Variants in SPATA45 observed in about 807,000 individuals in gnomAD.
SPATA45 encodes spermatogenesis associated 45.
A neutral mutation model predicts 7.0 loss-of-function variants in SPATA45; 5 were observed. That is an observed-to-expected ratio of 0.71 (90% CI 0.37 to 1.50). SPATA45 has a LOEUF of 1.50. SPATA45 is among the 40% of genes most tolerant of loss of function. The pLI, the probability that SPATA45 is intolerant of heterozygous loss-of-function variation, is 0.03. For synonymous variants in SPATA45, 40 were observed against 38.7 expected (o/e 1.03, Z -0.13); for missense variants, 111 against 114.9 (o/e 0.97, Z 0.16).
At chr1:212,832,527 G>A (rs896732021) in intron 2 of SPATA45, among the ~76,000 whole-genome samples, 1 of 151,218 alleles carries the variant, frequency 6.6e-6, no homozygotes, top group Non-Finnish European at 1.5e-5. Flanking sequence ...TTTGAGGCAA[G>A]ATTTTATTCA....
chr1:212,843,707 G>A (rs1423654539), intron 1 of SPATA45, among the ~76,000 whole-genome samples: 1 of 152,160 alleles, frequency 6.6e-6, no homozygotes, highest in Admixed American at 6.5e-5. Flanking sequence ...CTGGTCCTGT[G>A]TGTGACATAG....
At chr1:212,831,538 T>G in intron 2 of SPATA45, among the ~76,000 whole-genome samples, 1 of 150,654 alleles carries the variant, frequency 6.6e-6, no homozygotes, top group East Asian at 1.9e-4. Context: ...GAGGCAAAAC[T>G]TGAACCCAGG....
chr1:212,842,359 C>T (rs1437557039), intron 1 of SPATA45, among the ~76,000 whole-genome samples: 1 of 151,684 alleles, frequency 6.6e-6, no homozygotes, highest in Non-Finnish European at 1.5e-5. Flanking sequence ...GCCTGGGGGA[C>T]AAGAATGAAA....
chr1:212,833,698 T>C (rs75541945), intron 2 of SPATA45, among the ~76,000 whole-genome samples: 3,055 of 151,580 alleles, frequency 0.02, 113 homozygotes, highest in African/African-American at 0.066. Flanking sequence ...GGGTTAGGCT[T>C]TGACTTAAGG....
intron 2 of SPATA45, among the ~76,000 whole-genome samples, chr1:212,835,078 A>T (rs1315635139): frequency 6.6e-6 from 1 of 151,604 alleles, no homozygotes; most frequent in Non-Finnish European, 1.5e-5. Flanking sequence ...AATAGATCTT[A>T]CAATCCACCA....
At chr1:212,847,279 G>A (rs1160937793) in intron 1 of SPATA45, among the ~76,000 whole-genome samples, 1 of 152,104 alleles carries the variant, frequency 6.6e-6, no homozygotes, top group Non-Finnish European at 1.5e-5. Context: ...TCCCTAAAAT[G>A]TATTTGTTAT....
chr1:212,833,205 A>C (rs1663521180), intron 2 of SPATA45, among the ~76,000 whole-genome samples: 1 of 151,552 alleles, frequency 6.6e-6, no homozygotes, highest in Non-Finnish European at 1.5e-5. Context: ...CCGAGCATAT[A>C]GTCTTTTATT....
chr1:212,844,035 C>T (rs1663742873), intron 1 of SPATA45, among the ~76,000 whole-genome samples: 1 of 152,176 alleles, frequency 6.6e-6, no homozygotes, highest in African/African-American at 2.4e-5. Context: ...GCTGCTCCCA[C>T]ACTAGCTCTC....
At chr1:212,843,738 C>T (rs926460756) in intron 1 of SPATA45, among the ~76,000 whole-genome samples, 7 of 152,114 alleles carry the variant, frequency 4.6e-5, no homozygotes, top group Non-Finnish European at 7.4e-5. Context: ...ATTCCAACTG[C>T]TAATTCATCC....
intron 1 of SPATA45, among the ~76,000 whole-genome samples, chr1:212,842,603 T>C (rs184309711): frequency 1.1e-4 from 16 of 152,358 alleles, no homozygotes; most frequent in Admixed American, 7.8e-4. Flanking sequence ...ATTTTACCTA[T>C]GCTGCCTCCT....
At chr1:212,839,425 T>C (rs986965726) in intron 1 of SPATA45, among the ~76,000 whole-genome samples, 1 of 151,120 alleles carries the variant, frequency 6.6e-6, no homozygotes, top group African/African-American at 2.4e-5. Context: ...AAGACCAGAC[T>C]AAGCAATATA....
chr1:212,843,632 G>A (rs2102514376), intron 1 of SPATA45, among the ~76,000 whole-genome samples: 1 of 152,236 alleles, frequency 6.6e-6, no homozygotes, highest in Middle Eastern at 3.4e-3. Context: ...AAAACTTAAA[G>A]CCAATTGTGA....
chr1:212,830,302 A>G, intron 2 of SPATA45, 41 bp from the exon 3 acceptor site: 1 of 1,197,042 alleles, frequency 8.4e-7, no homozygotes. Context: ...TATATAACTT[A>G]TAACACATTT....
At chr1:212,834,716 G>C (rs1663558554) in intron 2 of SPATA45, among the ~76,000 whole-genome samples, 1 of 151,650 alleles carries the variant, frequency 6.6e-6, no homozygotes, top group South Asian at 2.1e-4. Flanking sequence ...CACCCAAAGT[G>C]CTGGGACTGG....
intron 2 of SPATA45, among the ~76,000 whole-genome samples, chr1:212,831,628 C>G (rs1462136459): frequency 6.6e-6 from 1 of 151,378 alleles, no homozygotes; most frequent in African/African-American, 2.4e-5. Context: ...AAAAGAGGGC[C>G]TGGAAATCTC....
chr1:212,844,883 A>G lies in SPATA45; in HGVS notation c.-39+2697T>C, dbSNP rs373823507. On this transcript the variant is annotated intron_variant, in intron 1 of 2. Coordinates refer to ENST00000332912, the MANE Select transcript of SPATA45 (RefSeq NM_001024601.3). ...GAGTCATTCACTGCAAGGGCCACCA[A>G]AAGGCATCAGATCCCATCGCTCAGG... Among the ~76,000 whole-genome samples, 21 of 152,298 alleles carry G rather than the reference A, an allele frequency of 1.4e-4. No individual in the cohort carries two copies. The East Asian group carries it at 3.7e-3, about 27-fold the overall frequency.
intron 1 of SPATA45, among the ~76,000 whole-genome samples, chr1:212,846,423 G>T (rs996943477): frequency 2.0e-5 from 3 of 152,082 alleles, no homozygotes; most frequent in African/African-American, 7.2e-5. Context: ...CATATCCCCT[G>T]TGACCTGTAC....
chr1:212,843,926 C>A (rs1663741768), intron 1 of SPATA45, among the ~76,000 whole-genome samples: 1 of 152,072 alleles, frequency 6.6e-6, no homozygotes, highest in South Asian at 2.1e-4. Flanking sequence ...TCCTCAATAT[C>A]TCCCTCCATT....
In SPATA45 at chr1:212,836,175, G is replaced by A; in HGVS notation, c.-26C>T. 6.4e-7 allele frequency: 1 copy of A among 1,568,758 alleles called. No individual in the cohort carries two copies. Among genetic ancestry groups the A allele is most frequent in the Admixed American group, 1.7e-5 (1 of 57,626 alleles). ...TATGGTCACAAACCAATTGTCAAGT[G>A]ATTCTTGCTGTCCTACAAACAAATG... On this transcript the variant is annotated 5_prime_UTR_variant, in exon 2 of 3. Transcript: ENST00000332912.
Sources: gnomAD v4.1 joint callset for allele counts (sites outside exome capture counted in the v4.1 genomes callset) on GRCh38, gnomAD v4.1.1 for gene constraint, MANE v1.5 for transcripts, NCBI Gene and HGNC (gene_info 2026-07-23, HGNC 2026-07-21) for gene names.